Variants in SORCS1 observed in about 807,000 individuals in gnomAD.
SORCS1 encodes sortilin related VPS10 domain containing receptor 1, also known as VPS10 domain-containing receptor SorCS1.
Under a neutral mutation model 146.1 loss-of-function variants are expected in SORCS1, and 60 were observed. That is an observed-to-expected ratio of 0.41 (90% CI 0.33 to 0.51). The LOEUF (loss-of-function observed/expected upper bound fraction) is 0.51. Ranked by LOEUF, SORCS1 falls within the 20% of genes least tolerant of loss-of-function variation. The pLI is 0.21. For synonymous variants in SORCS1, 637 were observed against 584.0 expected, an observed-to-expected ratio of 1.09 and a Z score of -1.31; for missense variants, 1,352 against 1,487.6, an observed-to-expected ratio of 0.91 and a Z score of 1.50.
chr10:107,005,529 A>G (rs1957404859), intron 1 of SORCS1, among the ~76,000 whole-genome samples: 1 of 152,220 alleles, frequency 6.6e-6, no homozygotes, highest in African/African-American at 2.4e-5. Flanking sequence ...TAAAAACTGC[A>G]CAAGCATTAT....
intron 2 of SORCS1, among the ~76,000 whole-genome samples, chr10:106,929,889 C>T (rs1050009084): frequency 6.6e-6 from 1 of 152,120 alleles, no homozygotes; most frequent in East Asian, 1.9e-4. Flanking sequence ...ACTAATATTT[C>T]GAATATGGCA....
rs551859720 is a variant in SORCS1 at position 107,137,601 on chromosome 10, G to A, written c.558+26368C>T. On this transcript the variant is annotated intron_variant, in intron 1 of 25. Transcript: ENST00000263054. ...GCATGAGGCCAGGTGTGGTGGCTCCGCCTGTAATCTCAACACTTTGCGAGG... is the reference window on the plus strand; with the variant it reads ...GCATGAGGCCAGGTGTGGTGGCTCCACCTGTAATCTCAACACTTTGCGAGG... 3.3e-5 allele frequency among the ~76,000 whole-genome samples: 5 copies of A among 152,232 alleles called. No homozygotes were observed. In the South Asian group the frequency reaches 6.2e-4, roughly 19 times the overall value.
chr10:107,026,959 T>A (rs563187397), intron 1 of SORCS1, among the ~76,000 whole-genome samples: 13 of 150,942 alleles, frequency 8.6e-5, no homozygotes, highest in Non-Finnish European at 5.9e-5. Context: ...AAAATATGAA[T>A]AAATCATGCC....
At chr10:106,878,336 T>A (rs1344701165) in intron 2 of SORCS1, among the ~76,000 whole-genome samples, 1 of 151,924 alleles carries the variant, frequency 6.6e-6, no homozygotes, top group Non-Finnish European at 1.5e-5. Flanking sequence ...ATGTTCTGAA[T>A]GTTTGTGTTC....
At chr10:106,697,386 G>C (rs1033731552) in intron 9 of SORCS1, among the ~76,000 whole-genome samples, 3 of 151,892 alleles carry the variant, frequency 2.0e-5, no homozygotes, top group African/African-American at 7.3e-5. Context: ...AACCCAGGAG[G>C]CGGAGATTGC....
chr10:107,093,747 A>T (rs975606966), intron 1 of SORCS1, among the ~76,000 whole-genome samples: 5 of 151,702 alleles, frequency 3.3e-5, no homozygotes, highest in Non-Finnish European at 7.4e-5. Context: ...TAAAAGCCAC[A>T]TTCCCTATGG....
At chr10:107,168,627 A>G (rs1970099681), upstream of SORCS1, among the ~76,000 whole-genome samples, 2 of 150,510 alleles carry the variant, frequency 1.3e-5, no homozygotes, top group African/African-American at 4.9e-5. Context: ...ACTCTATGCC[A>G]GAAACTATGC....
intron 1 of SORCS1, among the ~76,000 whole-genome samples, chr10:107,122,404 C>A (rs1419504953): frequency 6.6e-6 from 1 of 152,132 alleles, no homozygotes; most frequent in Non-Finnish European, 1.5e-5. Flanking sequence ...TGTCAGGGTT[C>A]TGTGGCTCTT....
At chr10:106,893,712 AG>A (rs1336208684) in intron 2 of SORCS1, among the ~76,000 whole-genome samples, 1 of 152,212 alleles carries the variant, frequency 6.6e-6, no homozygotes, top group Non-Finnish European at 1.5e-5. Context: ...GAAGATTCAC[AG>A]GAAAAAAATG....
chr10:107,141,273 G>A, intron 1 of SORCS1, among the ~76,000 whole-genome samples: 1 of 152,126 alleles, frequency 6.6e-6, no homozygotes. Flanking sequence ...GGCTACTTTT[G>A]TAGAGAGGAA....
chr10:106,866,261 A>C (rs550274211), intron 2 of SORCS1, among the ~76,000 whole-genome samples: 11 of 152,010 alleles, frequency 7.2e-5, no homozygotes, highest in East Asian at 1.9e-4. Flanking sequence ...CACACCACCA[A>C]CAAGCTGCAG....
chr10:107,113,809 C>T (rs1590168795), intron 1 of SORCS1, among the ~76,000 whole-genome samples: 1 of 151,146 alleles, frequency 6.6e-6, no homozygotes, highest in African/African-American at 2.4e-5. Context: ...TAATAAAGAC[C>T]AGACCTGAAG....
chr10:106,633,239 A>G (rs982301621), intron 18 of SORCS1, among the ~76,000 whole-genome samples: 49 of 152,330 alleles, frequency 3.2e-4, no homozygotes, highest in African/African-American at 1.2e-3. Flanking sequence ...TTCAATACAT[A>G]TATATAATAT....
chr10:106,589,591 C>T (rs146851820), intron 24 of SORCS1, among the ~76,000 whole-genome samples: 2 of 152,032 alleles, frequency 1.3e-5, no homozygotes, highest in African/African-American at 4.8e-5. Context: ...GGTCTTCTCA[C>T]CTGAGTTTCC....
At chr10:106,970,094 AG>A (rs1028588835) in intron 1 of SORCS1, 1 of 152,440 alleles carries the variant, frequency 6.6e-6, no homozygotes, top group Non-Finnish European at 1.5e-5. Flanking sequence ...GGGCCTGGTT[AG>A]TACTTGGATG....
At chr10:106,881,688 C>T (rs1187528453) in intron 2 of SORCS1, among the ~76,000 whole-genome samples, 1 of 152,176 alleles carries the variant, frequency 6.6e-6, no homozygotes, top group African/African-American at 2.4e-5. Context: ...CACTAGAGAC[C>T]AACGGGCTTA....
intron 1 of SORCS1, among the ~76,000 whole-genome samples, chr10:107,022,003 G>A (rs988007654): frequency 6.6e-6 from 1 of 151,850 alleles, no homozygotes; most frequent in Admixed American, 6.6e-5. Flanking sequence ...TGTGGAGATC[G>A]CTCTGATCTC....
intron 2 of SORCS1, among the ~76,000 whole-genome samples, chr10:106,909,294 G>T (rs1475214878): frequency 6.6e-6 from 1 of 152,220 alleles, no homozygotes. Context: ...TTTCACTAGG[G>T]TGAAAAGAAT....
chr10:106,674,839 T>G (rs1851906874), intron 14 of SORCS1, among the ~76,000 whole-genome samples: 1 of 152,196 alleles, frequency 6.6e-6, no homozygotes. Flanking sequence ...CTAATTTCTC[T>G]AAGCGCCTCA....
Sources: allele counts gnomAD v4.1 joint callset (sites outside exome capture counted in the v4.1 genomes callset), GRCh38; gene constraint gnomAD v4.1.1; transcripts MANE v1.5; gene names NCBI Gene and HGNC (gene_info 2026-07-23, HGNC 2026-07-21).